TIMM9: variants seen among roughly 807,000 people sequenced by gnomAD.
TIMM9 encodes the protein mitochondrial import inner membrane translocase subunit Tim9.
Under a neutral mutation model 13.4 loss-of-function variants are expected in TIMM9, and 10 were observed. That is an observed-to-expected ratio of 0.75 (90% CI 0.46 to 1.26). The LOEUF is 1.26. Among genes scored for constraint, TIMM9 ranks in the 50% most tolerant of loss-of-function variants. The pLI is 0.00. For missense variants in TIMM9, 87 were observed against 100.8 expected (o/e 0.86, Z 0.58); for synonymous variants, 32 against 32.1 (o/e 1.00, Z 0.01).
At chr14:58,422,856 C>CTCCA (rs1251149942) in intron 3 of TIMM9, among the ~76,000 whole-genome samples, 3 of 151,982 alleles carry the variant, frequency 2.0e-5, no homozygotes, top group African/African-American at 7.3e-5. Context: ...GAGACCCAGG[C>CTCCA]TGGAGTACAG....
At chr14:58,416,054 G>GAA (rs796795388) in intron 3 of TIMM9, among the ~76,000 whole-genome samples, 1,431 of 122,090 alleles carry the variant, frequency 0.012, 26 homozygotes, top group African/African-American at 0.039. Flanking sequence ...CGTCCCTACT[G>GAA]AAAAAAAAAA....
chr14:58,419,405 T>C (rs952448379), intron 3 of TIMM9, among the ~76,000 whole-genome samples: 3 of 148,882 alleles, frequency 2.0e-5, no homozygotes, highest in Admixed American at 6.7e-5. Flanking sequence ...CAGTAAGCCA[T>C]GGTTGCGCCA....
chr14:58,412,219 T>C lies in TIMM9; in HGVS notation c.-26-248A>G. On this transcript the variant is annotated intron_variant, in intron 3 of 5. Coordinates refer to ENST00000395159, the MANE Select transcript of TIMM9 (RefSeq NM_012460.4). ...GCGCAGTGGCGCCATCTTGGCTCAC[T>C]GCAACCTCTGCCTCCGGGTTCAAGC... 2.3e-5 allele frequency: 8 copies of C among 342,116 alleles called. No homozygotes were observed. The South Asian group carries it at 2.7e-4, about 11-fold the overall frequency. The allele number at this position is 342,116 out of a possible 1,614,324, so 21.2% of individuals were successfully genotyped here. A position where few individuals can be genotyped will look rare whatever the true frequency, so the allele number is the denominator to read the frequency against.
Position 58,408,554 on chromosome 14 carries a change from A to C in TIMM9, c.*480T>G. ...CAATTTGAGGCAGACATGAATGAAC[A>C]GGACTGCTTGGAGGATGATCCTGAT... On this transcript the variant is annotated 3_prime_UTR_variant, in exon 6 of 6. Coordinates refer to ENST00000395159, the MANE Select transcript of TIMM9 (RefSeq NM_012460.4). 6.2e-7 allele frequency: 1 copy of C among 1,614,054 alleles called. No individual in the cohort carries two copies. Among genetic ancestry groups the C allele is most frequent in the Non-Finnish European group, 8.5e-7 (1 of 1,179,978 alleles).
chr14:58,427,299 CG>C (rs2036896202), intron 1 of TIMM9, 57 bp from the exon 2 acceptor site: 1 of 298,026 alleles, frequency 3.4e-6, no homozygotes, highest in African/African-American at 2.2e-5. Flanking sequence ...GGATTAACTT[CG>C]GTTATTTTCT....
intron 3 of TIMM9, among the ~76,000 whole-genome samples, chr14:58,414,179 A>G (rs1003261679): frequency 1.3e-5 from 2 of 152,144 alleles, no homozygotes; most frequent in African/African-American, 2.4e-5. Context: ...CAAAAATGAT[A>G]AACTGGATGT....
At position 58,409,107 on chromosome 14, in the gene TIMM9, C is replaced by T; in HGVS notation, c.197G>A (p.Arg66Lys). The change falls in exon 6 of 6, where the codon AGA becomes AAA. Residue 66 changes from arginine (R) to lysine (K), a missense_variant. Coordinates refer to ENST00000395159, the MANE Select transcript of TIMM9 (RefSeq NM_012460.4). ...YLKMTQRISM[R>K]FQEYHIQQNE... ...CTGCTGAATATGATATTCCTGAAAT[C>T]TCATGGATATTCTTTGTGTCATTTT... 1 of 1,613,880 alleles carries T rather than the reference C, an allele frequency of 6.2e-7. No individual in the cohort carries two copies. The highest frequency in any genetic ancestry group is 8.5e-7 in the Non-Finnish European group (1 of 1,179,900).
intron 5 of TIMM9, 79 bp from the exon 6 acceptor site, chr14:58,409,247 G>C (rs897742345): frequency 1.3e-6 from 2 of 1,524,246 alleles, no homozygotes; most frequent in African/African-American, 2.8e-5. Flanking sequence ...AAAAGAATCA[G>C]TGGGGTAGTT....
At chr14:58,426,516 T>C (rs1435117015) in intron 2 of TIMM9, among the ~76,000 whole-genome samples, 1 of 152,144 alleles carries the variant, frequency 6.6e-6, no homozygotes, top group Non-Finnish European at 1.5e-5. Flanking sequence ...TTAAAGTCCA[T>C]TTTAAGTCTA....
chr14:58,425,959 C>CA (rs975198620), intron 2 of TIMM9, among the ~76,000 whole-genome samples: 4 of 150,622 alleles, frequency 2.7e-5, no homozygotes, highest in African/African-American at 7.3e-5. Context: ...AATAAAAATA[C>CA]AAAAAAAATT....
At chr14:58,414,777 C>T (rs562170021) in intron 3 of TIMM9, among the ~76,000 whole-genome samples, 21 of 150,058 alleles carry the variant, frequency 1.4e-4, no homozygotes, top group South Asian at 6.4e-4. Flanking sequence ...AAGAAATTCA[C>T]AATAACTACT....
At chr14:58,426,664 C>T (rs763619247) in intron 2 of TIMM9, among the ~76,000 whole-genome samples, 1 of 152,176 alleles carries the variant, frequency 6.6e-6, no homozygotes, top group Admixed American at 6.5e-5. Context: ...AGTAGCGCAT[C>T]CTGGGAAATG....
chr14:58,419,317 T>TG (rs2140334173), intron 3 of TIMM9, among the ~76,000 whole-genome samples: 1 of 152,146 alleles, frequency 6.6e-6, no homozygotes, highest in South Asian at 2.1e-4. Flanking sequence ...TAGCTGGGCA[T>TG]GGTGTCACAT....
chr14:58,417,533 G>A (rs1228293695), intron 3 of TIMM9, among the ~76,000 whole-genome samples: 1 of 133,180 alleles, frequency 7.5e-6, no homozygotes, highest in Non-Finnish European at 1.6e-5. Context: ...GTGGAGGTAA[G>A]GAAGGAAGAA....
chr14:58,413,803 C>T (rs553507296), intron 3 of TIMM9, among the ~76,000 whole-genome samples: 2 of 151,004 alleles, frequency 1.3e-5, no homozygotes, highest in African/African-American at 2.4e-5. Flanking sequence ...GTCAGGAGAT[C>T]GAGACCATCC....
At chr14:58,410,786 C>A in intron 5 of TIMM9, 57 bp downstream of exon 5, 1 of 1,184,480 alleles carries the variant, frequency 8.4e-7, no homozygotes, top group South Asian at 1.4e-5. Flanking sequence ...TTAAGGGGAT[C>A]CTACTTAGAG....
intron 5 of TIMM9, 75 bp from the exon 6 acceptor site, chr14:58,409,243 A>G: frequency 6.5e-7 from 1 of 1,538,410 alleles, no homozygotes; most frequent in Non-Finnish European, 8.8e-7. Context: ...TTCTAAAAGA[A>G]TCAGTGGGGT....
chr14:58,425,494 T>C (rs550220382), intron 2 of TIMM9, among the ~76,000 whole-genome samples: 1 of 150,460 alleles, frequency 6.6e-6, no homozygotes, highest in African/African-American at 2.5e-5. Flanking sequence ...AGCTCAGGAG[T>C]TGAAGGCTTC....
Position 58,411,970 on chromosome 14 carries a change from A to G in TIMM9, c.-25T>C. ...TATTCTTCTGGTACCTTTATTAGTC[A>G]CCTAATTTAAAAATTCAAAACAAGT... On this transcript the variant is annotated splice_region_variant and 5_prime_UTR_variant, in exon 4 of 6. It removes the in-frame stop codon of an upstream open reading frame in the 5' UTR. Coordinates refer to ENST00000395159, the MANE Select transcript of TIMM9 (RefSeq NM_012460.4). The G allele has an allele frequency of 6.2e-7, 1 of 1,610,658 alleles. No homozygotes were observed. Among genetic ancestry groups the G allele is most frequent in the Non-Finnish European group, 8.5e-7 (1 of 1,177,406 alleles).
Sources: gnomAD v4.1 joint callset for allele counts (sites outside exome capture counted in the v4.1 genomes callset) on GRCh38, gnomAD v4.1.1 for gene constraint, MANE v1.5 for transcripts, NCBI Gene and HGNC (gene_info 2026-07-23, HGNC 2026-07-21) for gene names.